The following XPR1 variants were observed in gnomAD, a reference collection of about 807,000 sequenced individuals.
XPR1 encodes solute carrier family 53 member 1.
In XPR1, 28 loss-of-function variants were observed where a neutral mutation model predicts 87.5. The ratio of observed to expected loss-of-function variants is 0.32; its 90% confidence interval spans 0.24 to 0.44. The LOEUF (loss-of-function observed/expected upper bound fraction) is 0.44. Among genes scored for constraint, XPR1 ranks in the 20% least tolerant of loss-of-function variants. The pLI, the probability that XPR1 is intolerant of heterozygous loss-of-function variation, is 1.00. For missense variants in XPR1, 559 were observed against 862.3 expected (o/e 0.65, Z 4.41); for synonymous variants, 300 against 306.1 (o/e 0.98, Z 0.21).
intron 2 of XPR1, among the ~76,000 whole-genome samples, chr1:180,759,165 G>T (rs978932763): frequency 6.6e-6 from 1 of 152,064 alleles, no homozygotes; most frequent in Non-Finnish European, 1.5e-5. Context: ...GAGAAAGCAG[G>T]AAAGATCTAA....
At chr1:180,770,959 T>G (rs1648490792) in intron 2 of XPR1, among the ~76,000 whole-genome samples, 1 of 152,212 alleles carries the variant, frequency 6.6e-6, no homozygotes, top group African/African-American at 2.4e-5. Flanking sequence ...ACTTTCTGGA[T>G]CTTTTTATAA....
At chr1:180,813,393 A>T (rs935260777) in intron 7 of XPR1, among the ~76,000 whole-genome samples, 8 of 152,118 alleles carry the variant, frequency 5.3e-5, no homozygotes, top group African/African-American at 1.7e-4. Context: ...CCCAACCCTA[A>T]AATAATCTAT....
chr1:180,661,773 G>T (rs1410613320), intron 1 of XPR1, among the ~76,000 whole-genome samples: 1 of 152,074 alleles, frequency 6.6e-6, no homozygotes, highest in Non-Finnish European at 1.5e-5. Flanking sequence ...TAATCAGGAG[G>T]CTGCGGCAGG....
At chr1:180,853,833 T>C in intron 11 of XPR1, among the ~76,000 whole-genome samples, 1 of 146,602 alleles carries the variant, frequency 6.8e-6, no homozygotes. Context: ...ATTTTGTTCG[T>C]TTTTCTTGAA....
chr1:180,661,802 G>A (rs1232750605), intron 1 of XPR1, among the ~76,000 whole-genome samples: 4 of 152,080 alleles, frequency 2.6e-5, no homozygotes, highest in Non-Finnish European at 5.9e-5. Context: ...TTGAACCCAG[G>A]AGGTGGAAGT....
chr1:180,864,096 G>A (rs2102208307), intron 12 of XPR1, among the ~76,000 whole-genome samples: 1 of 152,184 alleles, frequency 6.6e-6, no homozygotes, highest in Admixed American at 6.5e-5. Flanking sequence ...CATTCTCAAG[G>A]AAAGCCATAA....
chr1:180,825,697 A>G (rs905639432), intron 9 of XPR1, among the ~76,000 whole-genome samples: 2 of 152,208 alleles, frequency 1.3e-5, no homozygotes, highest in African/African-American at 4.8e-5. Flanking sequence ...TTATTTTAGG[A>G]AAGATTTGTT....
At position 180,757,525 on chromosome 1, in the gene XPR1, A is replaced by T. The variant is rs1291455789; in HGVS notation, c.122-30228A>T. Reference sequence around the variant, plus strand: ...CTAGGCCTTTTTTTTTTTTTTTTTTAAAGAGTTAAGGTCTTGCTCTTTGTC... The same window carrying T: ...CTAGGCCTTTTTTTTTTTTTTTTTTTAAGAGTTAAGGTCTTGCTCTTTGTC... On this transcript the variant is annotated intron_variant, in intron 2 of 14. Transcript: ENST00000367590. Among the ~76,000 whole-genome samples the T allele has an allele frequency of 6.9e-3, 660 of 95,352 alleles. 10 individuals are homozygous for T. Among genetic ancestry groups the T allele is most frequent in the African/African-American group, 0.02 (620 of 30,248 alleles). The allele number at this position is 95,352 out of a possible 152,430, so 62.6% of individuals were successfully genotyped here.
At chr1:180,790,112 A>C (rs1649318734) in intron 3 of XPR1, among the ~76,000 whole-genome samples, 1 of 152,076 alleles carries the variant, frequency 6.6e-6, no homozygotes, top group Non-Finnish European at 1.5e-5. Flanking sequence ...TACCATGCAG[A>C]TATATGGTAT....
intron 2 of XPR1, among the ~76,000 whole-genome samples, chr1:180,710,410 A>G (rs1185953887): frequency 6.6e-6 from 1 of 152,026 alleles, no homozygotes; most frequent in Non-Finnish European, 1.5e-5. Context: ...ACTCTTAACG[A>G]GCATGCTGCC....
intron 2 of XPR1, among the ~76,000 whole-genome samples, chr1:180,691,468 G>A (rs188399988): frequency 4.6e-5 from 7 of 152,228 alleles, no homozygotes; most frequent in Admixed American, 3.9e-4. Flanking sequence ...CATAGCTAAT[G>A]TTAGCTTAAT....
chr1:180,800,523 A>G (rs933928328), intron 3 of XPR1, among the ~76,000 whole-genome samples: 3 of 152,224 alleles, frequency 2.0e-5, no homozygotes, highest in Admixed American at 6.5e-5. Flanking sequence ...AGCCTAGCTA[A>G]CACCTTGCGT....
chr1:180,638,164 A>G (rs1031320047), intron 1 of XPR1, among the ~76,000 whole-genome samples: 2 of 152,102 alleles, frequency 1.3e-5, no homozygotes, highest in African/African-American at 4.8e-5. Context: ...TAGATCAAAA[A>G]TATTTTTGTA....
intron 2 of XPR1, among the ~76,000 whole-genome samples, chr1:180,767,538 A>G (rs543981522): frequency 6.6e-5 from 10 of 152,296 alleles, no homozygotes; most frequent in Non-Finnish European, 1.5e-4. Flanking sequence ...AACATTGTCT[A>G]AAGTAGCAAA....
At chr1:180,691,138 T>G (rs1656980334) in intron 2 of XPR1, among the ~76,000 whole-genome samples, 1 of 152,130 alleles carries the variant, frequency 6.6e-6, no homozygotes, top group Admixed American at 6.5e-5. Context: ...AGGTTTTTTG[T>G]TTTTGTGGCA....
chr1:180,648,907 A>G (rs1655205073), intron 1 of XPR1, among the ~76,000 whole-genome samples: 1 of 152,188 alleles, frequency 6.6e-6, no homozygotes, highest in Non-Finnish European at 1.5e-5. Context: ...AATTTTTGAC[A>G]TCTCTGATAA....
chr1:180,690,523 A>G (rs957232462), intron 2 of XPR1, among the ~76,000 whole-genome samples: 23 of 152,182 alleles, frequency 1.5e-4, no homozygotes, highest in African/African-American at 5.3e-4. Context: ...TAAATCATAA[A>G]TGTCCATGAT....
rs999005913 is a variant in XPR1, at chr1:180,771,851, G to A, written c.122-15902G>A. ...TTGGTAGTATTAACCTTGATTACTT[G>A]TTTAAAGTGGTGTCTGCCAAGTTTC... is the stretch of plus-strand genomic sequence containing the variant. On this transcript the variant is annotated intron_variant, in intron 2 of 14. Transcript: ENST00000367590. 3.0e-4 allele frequency among the ~76,000 whole-genome samples: 45 copies of A among 152,176 alleles called. 1 individual carries two copies. The highest frequency in any genetic ancestry group is 5.7e-4 in the Non-Finnish European group (39 of 67,984).
At chr1:180,642,702 A>T (rs1321008571) in intron 1 of XPR1, among the ~76,000 whole-genome samples, 1 of 152,132 alleles carries the variant, frequency 6.6e-6, no homozygotes, top group Non-Finnish European at 1.5e-5. Flanking sequence ...AATAAGTAAG[A>T]CTTAGTTCCT....
Sources: gnomAD v4.1 joint callset for allele counts (sites outside exome capture counted in the v4.1 genomes callset) on GRCh38, gnomAD v4.1.1 for gene constraint, MANE v1.5 for transcripts, NCBI Gene and HGNC (gene_info 2026-07-23, HGNC 2026-07-21) for gene names.